Variants in GRM8 observed in about 807,000 individuals in gnomAD.
The protein encoded by GRM8 is metabotropic glutamate receptor 8.
Under a neutral mutation model 87.2 loss-of-function variants are expected in GRM8, and 47 were observed. The ratio of observed to expected loss-of-function variants is 0.54; its 90% confidence interval spans 0.43 to 0.69. The LOEUF is 0.69. Among genes scored for constraint, GRM8 ranks in the 30% least tolerant of loss-of-function variants. The probability of loss-of-function intolerance (pLI) is 0.00; values close to 1 mark genes in which losing one functional copy is unlikely to be tolerated. For synonymous variants in GRM8, 396 were observed against 404.5 expected (o/e 0.98, Z 0.25); for missense variants, 1,019 against 1,139.2 (o/e 0.89, Z 1.52).
intron 6 of GRM8, among the ~76,000 whole-genome samples, chr7:126,868,524 T>A (rs1276707451): frequency 2.0e-5 from 3 of 152,226 alleles, no homozygotes; most frequent in Non-Finnish European, 4.4e-5. Flanking sequence ...ACAGGATGTG[T>A]CTGCCATCCT....
At chr7:127,199,079 G>T (rs1434225129) in intron 2 of GRM8, among the ~76,000 whole-genome samples, 1 of 151,994 alleles carries the variant, frequency 6.6e-6, no homozygotes, top group African/African-American at 2.4e-5. Flanking sequence ...GACCTCAGGT[G>T]ATCCATCTGC....
chr7:126,755,477 C>G (rs1362968512), intron 7 of GRM8, among the ~76,000 whole-genome samples: 2 of 151,978 alleles, frequency 1.3e-5, no homozygotes, highest in African/African-American at 4.8e-5. Flanking sequence ...AATCAGAAAG[C>G]ACTTATTTTT....
intron 7 of GRM8, among the ~76,000 whole-genome samples, chr7:126,611,951 G>A (rs1229954234): frequency 6.6e-6 from 1 of 152,118 alleles, no homozygotes; most frequent in Non-Finnish European, 1.5e-5. Context: ...ATTGTATTAA[G>A]GTGCAATATT....
At chr7:127,106,900 C>G (rs1825861257) in intron 2 of GRM8, among the ~76,000 whole-genome samples, 188 bp from the exon 3 acceptor site, 1 of 152,222 alleles carries the variant, frequency 6.6e-6, no homozygotes, top group Non-Finnish European at 1.5e-5. Context: ...TACTTTCTCT[C>G]AATGCACAAT....
intron 9 of GRM8, among the ~76,000 whole-genome samples, chr7:126,526,659 T>C (rs1399692204): frequency 3.9e-5 from 6 of 152,230 alleles, no homozygotes; most frequent in African/African-American, 9.6e-5. Flanking sequence ...TCAAAGAAGA[T>C]GGCTTCCCCC....
At position 127,242,790 on chromosome 7, in the gene GRM8, G is replaced by A; in HGVS notation, c.415C>T (p.Pro139Ser). 1 of 1,614,014 alleles carries A rather than the reference G, an allele frequency of 6.2e-7. No homozygotes were observed. ...ATCTTGTCGGGCTTGGTGAAAATGG[G>A]TGGATCTCCATTAGCACACTTCACA... ...SDVKCANGDP[P>S]IFTKPDKISG... Residue 139 changes from proline (P) to serine (S), a missense_variant, in exon 2 of 11, where the codon CCC (proline) becomes TCC (serine). Physicochemically the swap from Pro to Ser is moderately conservative, Grantham distance 74. Coordinates refer to ENST00000339582, the MANE Select transcript of GRM8 (RefSeq NM_000845.3).
chr7:126,901,708 A>G (rs1025171220), intron 6 of GRM8, among the ~76,000 whole-genome samples: 4 of 152,250 alleles, frequency 2.6e-5, no homozygotes, highest in Non-Finnish European at 4.4e-5. Context: ...AATCATTTCT[A>G]AAACACACAT....
At chr7:126,919,399 T>C (rs562242509) in intron 3 of GRM8, among the ~76,000 whole-genome samples, 83 of 152,276 alleles carry the variant, frequency 5.5e-4, no homozygotes, top group Middle Eastern at 6.8e-3. Flanking sequence ...TTAAATACAA[T>C]AAATTGCTTT....
Position 127,205,781 on chromosome 7 carries a change from C to G in GRM8, c.510+36914G>C, listed in dbSNP as rs187701852. Among the ~76,000 whole-genome samples the G allele has an allele frequency of 2.0e-5, 3 of 152,144 alleles. No homozygotes were observed. In the East Asian group the frequency reaches 5.8e-4, roughly 29 times the overall value. On this transcript the variant is annotated intron_variant, in intron 2 of 10. Coordinates refer to ENST00000339582, the MANE Select transcript of GRM8 (RefSeq NM_000845.3). Reference sequence around the variant, plus strand: ...ACTTTCACATGGTCTTTCACAAACACGACTTTTTCCCCTTCTGACCTTCAC... The same window carrying G: ...ACTTTCACATGGTCTTTCACAAACAGGACTTTTTCCCCTTCTGACCTTCAC...
intron 6 of GRM8, among the ~76,000 whole-genome samples, chr7:126,771,598 T>C (rs538800514): frequency 1.3e-5 from 2 of 152,228 alleles, no homozygotes; most frequent in Admixed American, 1.3e-4. Flanking sequence ...TCCAGAACAT[T>C]AGATCAATTT....
chr7:126,471,470 T>A (rs976832221), intron 9 of GRM8, among the ~76,000 whole-genome samples: 9 of 152,136 alleles, frequency 5.9e-5, no homozygotes, highest in African/African-American at 2.2e-4. Context: ...TTGCTTGTTT[T>A]TCTCAGGTTT....
chr7:126,959,175 T>A (rs2131667739), intron 3 of GRM8, among the ~76,000 whole-genome samples: 1 of 152,232 alleles, frequency 6.6e-6, no homozygotes, highest in South Asian at 2.1e-4. Context: ...CCACAAAAAT[T>A]TTAAAGACTG....
chr7:126,882,538 C>T (rs1362977293), intron 6 of GRM8, among the ~76,000 whole-genome samples: 2 of 151,910 alleles, frequency 1.3e-5, no homozygotes, highest in Admixed American at 6.6e-5. Flanking sequence ...TTTGACTCAT[C>T]GCTAAAAAAA....
intron 2 of GRM8, among the ~76,000 whole-genome samples, chr7:127,231,755 G>A (rs771999285): frequency 5.5e-4 from 83 of 152,050 alleles, no homozygotes; most frequent in Non-Finnish European, 8.4e-4. Flanking sequence ...CAACCCAAAG[G>A]ACAGGCTTGA....
At chr7:127,087,094 T>C (rs1349202822) in intron 3 of GRM8, among the ~76,000 whole-genome samples, 1 of 152,224 alleles carries the variant, frequency 6.6e-6, no homozygotes, top group Non-Finnish European at 1.5e-5. Flanking sequence ...TGCTAGGTGC[T>C]TCCTTAACTG....
intron 9 of GRM8, among the ~76,000 whole-genome samples, chr7:126,470,456 T>C (rs1327732424): frequency 1.3e-5 from 2 of 151,174 alleles, no homozygotes; most frequent in South Asian, 2.1e-4. Context: ...TTTTTTGTCC[T>C]TGCGACAGTT....
chr7:126,980,797 A>C (rs889674935), intron 3 of GRM8, among the ~76,000 whole-genome samples: 1 of 152,144 alleles, frequency 6.6e-6, no homozygotes, highest in Non-Finnish European at 1.5e-5. Flanking sequence ...ATGAATCTCT[A>C]AAACAACCTC....
chr7:126,892,660 G>T (rs888741885), intron 6 of GRM8, among the ~76,000 whole-genome samples: 3 of 152,098 alleles, frequency 2.0e-5, no homozygotes, highest in Non-Finnish European at 4.4e-5. Context: ...CCAGTAATGG[G>T]TTGGCTGGGT....
intron 9 of GRM8, among the ~76,000 whole-genome samples, chr7:126,482,755 T>C (rs1419475): frequency 0.31 from 46,827 of 151,808 alleles, 8,062 homozygotes; most frequent in Non-Finnish European, 0.37. Context: ...ATATACTTAG[T>C]ATCACTGCAC....
Sources: allele counts gnomAD v4.1 joint callset (sites outside exome capture counted in the v4.1 genomes callset), GRCh38; gene constraint gnomAD v4.1.1; transcripts MANE v1.5; gene names NCBI Gene and HGNC (gene_info 2026-07-23, HGNC 2026-07-21).